RIC1: variants seen among roughly 807,000 people sequenced by gnomAD.
RIC1 encodes the protein guanine nucleotide exchange factor subunit RIC1.
In RIC1, 88 loss-of-function variants were observed where a neutral mutation model predicts 169.0. The observed-to-expected ratio is 0.52, with a 90% CI of 0.44 to 0.62. The LOEUF (loss-of-function observed/expected upper bound fraction) is 0.62. Ranked by LOEUF, RIC1 falls within the 20% of genes least tolerant of loss-of-function variation. The pLI is 0.00. For missense variants in RIC1, 1,877 were observed against 1,725.5 expected, an observed-to-expected ratio of 1.09 and a Z score of -1.56; for synonymous variants, 790 against 601.5, an observed-to-expected ratio of 1.31 and a Z score of -4.59.
At chr9:5,653,712 C>G (rs1818931905) in intron 1 of RIC1, among the ~76,000 whole-genome samples, 1 of 152,054 alleles carries the variant, frequency 6.6e-6, no homozygotes, top group Non-Finnish European at 1.5e-5. Flanking sequence ...ATTCTCCTGC[C>G]TCAGCCTCCC....
At chr9:5,629,597 C>A in intron 1 of RIC1, 144 bp downstream of exon 1, 1 of 962,408 alleles carries the variant, frequency 1.0e-6, no homozygotes, top group Non-Finnish European at 1.4e-6. Context: ...CTCGTTCCAC[C>A]GAATTGGCCG....
At chr9:5,723,114 T>A (rs1823715858) in intron 6 of RIC1, among the ~76,000 whole-genome samples, 1 of 152,238 alleles carries the variant, frequency 6.6e-6, no homozygotes, top group African/African-American at 2.4e-5. Context: ...TAGTTTTAGA[T>A]CCTTGAAGAA....
At chr9:5,746,233 T>C (rs2130997697) in intron 11 of RIC1, 150 bp downstream of exon 11, 1 of 498,936 alleles carries the variant, frequency 2.0e-6, no homozygotes. Context: ...TTATATTAAA[T>C]TTATACCAAA....
chr9:5,748,306 A>G (rs772323299), intron 12 of RIC1, among the ~76,000 whole-genome samples: 2 of 152,072 alleles, frequency 1.3e-5, no homozygotes, highest in African/African-American at 2.4e-5. Context: ...GACTCTCTAT[A>G]TGTTTACCCT....
At chr9:5,641,253 G>A (rs540040105) in intron 1 of RIC1, among the ~76,000 whole-genome samples, 7 of 151,782 alleles carry the variant, frequency 4.6e-5, no homozygotes, top group South Asian at 2.1e-4. Flanking sequence ...CACCACACCC[G>A]GCTAATTTTT....
chr9:5,713,868 T>G (rs1231222008), intron 3 of RIC1, 28 bp from the exon 4 acceptor site: 26 of 1,528,762 alleles, frequency 1.7e-5, no homozygotes, highest in Non-Finnish European at 2.2e-5. Context: ...TTCAGCATCT[T>G]TCTTTAACTC....
At chr9:5,685,372 A>G (rs895830338) in intron 2 of RIC1, among the ~76,000 whole-genome samples, 9 of 151,990 alleles carry the variant, frequency 5.9e-5, no homozygotes, top group Non-Finnish European at 1.0e-4. Flanking sequence ...CCTGACTTCA[A>G]CTATACTACA....
intron 19 of RIC1, 150 bp from the exon 20 acceptor site, chr9:5,765,264 C>T (rs1444656979): frequency 1.3e-6 from 1 of 770,348 alleles, no homozygotes; most frequent in Non-Finnish European, 2.1e-6. Flanking sequence ...CTCGCTTTTC[C>T]TTGTATGGTA....
intron 8 of RIC1, 69 bp downstream of exon 8, chr9:5,738,607 C>T: frequency 1.1e-6 from 1 of 929,016 alleles, no homozygotes; most frequent in Admixed American, 3.2e-5. Context: ...GTAGCAGATG[C>T]TGATTTTAAG....
intron 2 of RIC1, among the ~76,000 whole-genome samples, chr9:5,679,991 T>G (rs1228383994): frequency 6.6e-6 from 1 of 152,192 alleles, no homozygotes; most frequent in Non-Finnish European, 1.5e-5. Context: ...CATAGATAGC[T>G]CTTACTATTT....
At chr9:5,685,781 G>C (rs28845888) in intron 2 of RIC1, among the ~76,000 whole-genome samples, 31,682 of 120,322 alleles carry the variant, frequency 0.26, 5,128 homozygotes, top group East Asian at 0.52. Context: ...CAAATGGGAT[G>C]TAATTCAACT....
At chr9:5,682,028 C>T (rs1820876426) in intron 2 of RIC1, among the ~76,000 whole-genome samples, 1 of 152,108 alleles carries the variant, frequency 6.6e-6, no homozygotes, top group Admixed American at 6.5e-5. Flanking sequence ...TTCCTCCATC[C>T]CTTTATTTTG....
At chr9:5,767,103 T>TA (rs1826826208) in intron 21 of RIC1, among the ~76,000 whole-genome samples, 1 of 152,252 alleles carries the variant, frequency 6.6e-6, no homozygotes, top group Non-Finnish European at 1.5e-5. Context: ...CCTCTGATGA[T>TA]AGAGGACCAA....
At chr9:5,739,084 G>A (rs990849548) in intron 8 of RIC1, among the ~76,000 whole-genome samples, 2 of 152,108 alleles carry the variant, frequency 1.3e-5, no homozygotes, top group Non-Finnish European at 2.9e-5. Context: ...TGCTGCCCTT[G>A]TAAATCTGTT....
chr9:5,758,079 A>G (rs1826113069), intron 17 of RIC1, among the ~76,000 whole-genome samples: 1 of 152,218 alleles, frequency 6.6e-6, no homozygotes, highest in South Asian at 2.1e-4. Context: ...CATTGTAATG[A>G]TCTAGGTCAG....
intron 3 of RIC1, chr9:5,713,095 C>G (rs1823029811): frequency 6.6e-6 from 1 of 152,084 alleles, no homozygotes; most frequent in African/African-American, 2.4e-5. Context: ...TTAATAGTAT[C>G]GACAAATTAT....
intron 1 of RIC1, among the ~76,000 whole-genome samples, chr9:5,639,582 A>C (rs1343775715): frequency 6.6e-6 from 1 of 152,216 alleles, no homozygotes; most frequent in Non-Finnish European, 1.5e-5. Flanking sequence ...GAAATGTTCT[A>C]TAAATATCTG....
intron 3 of RIC1, among the ~76,000 whole-genome samples, chr9:5,710,289 G>T (rs1166450991): frequency 6.6e-6 from 1 of 152,170 alleles, no homozygotes; most frequent in African/African-American, 2.4e-5. Flanking sequence ...CCACCTCACA[G>T]GAAATATACT....
chr9:5,704,034 T>C (rs1418939128), intron 3 of RIC1, among the ~76,000 whole-genome samples: 2 of 122,290 alleles, frequency 1.6e-5, no homozygotes, highest in Non-Finnish European at 3.1e-5. Flanking sequence ...ACATTTGTTA[T>C]TTTCTGGGTT....
Sources: allele counts gnomAD v4.1 joint callset (sites outside exome capture counted in the v4.1 genomes callset), GRCh38; gene constraint gnomAD v4.1.1; transcripts MANE v1.5; gene names NCBI Gene and HGNC (gene_info 2026-07-23, HGNC 2026-07-21).